Variants in COL6A2 observed in about 807,000 individuals in gnomAD.
The protein encoded by COL6A2 is collagen alpha-2(VI) chain.
A neutral mutation model predicts 124.9 loss-of-function variants in COL6A2; 90 were observed. The ratio of observed to expected loss-of-function variants is 0.72; its 90% CI spans 0.61 to 0.86. The LOEUF is 0.86. COL6A2 is among the 40% of genes least tolerant of loss of function. The pLI is 0.00. For missense variants in COL6A2, 1,607 were observed against 1,502.5 expected, an observed-to-expected ratio of 1.07 and a Z score of -1.15; for synonymous variants, 793 against 618.2, an observed-to-expected ratio of 1.28 and a Z score of -4.19.
At position 46,132,350 on chromosome 21, in the gene COL6A2, G is replaced by A. The variant is rs895235616; in HGVS notation, c.2858G>A (p.Gly953Asp). The change falls in exon 28 of 28, where the codon GGC (glycine) becomes GAC (aspartate). Residue 953 changes from glycine (G) to aspartate (D), a missense_variant. Transcript: ENST00000300527. ...GTGTTCCTCACGGACGGCGTCACGGGCAACGACAGTCTGCACGAGTCGGCG... is the reference window on the plus strand; with the variant it reads ...GTGTTCCTCACGGACGGCGTCACGGACAACGACAGTCTGCACGAGTCGGCG... ...SFVFLTDGVT[G>D]NDSLHESAHS... 6 of 1,608,434 alleles carry A rather than the reference G, an allele frequency of 3.7e-6. No homozygotes were observed. Among genetic ancestry groups the A allele is most frequent in the African/African-American group, 2.7e-5 (2 of 74,916 alleles).
chr21:46,113,729 C>T (rs2078435036), intron 4 of COL6A2: 1 of 530,578 alleles, frequency 1.9e-6, no homozygotes, highest in Admixed American at 3.1e-5. Flanking sequence ...GGCCTTTCTT[C>T]CCTTCTATTT....
rs185036029 is a variant in COL6A2, at chr21:46,121,653, G to A, written c.1521+35G>A. The A allele has an allele frequency of 4.2e-4, 680 of 1,607,654 alleles. 3 individuals are homozygous for A. The East Asian group carries it at 0.014, about 34-fold the overall frequency. On this transcript the variant is annotated intron_variant, in intron 18 of 27. Transcript: ENST00000300527. ...CCTCCCCCAGCAGGACGTATTAGGGGTTCGGGGCAGCTGCCTGAGGAGCAG... is the reference window on the plus strand; with the variant it reads ...CCTCCCCCAGCAGGACGTATTAGGGATTCGGGGCAGCTGCCTGAGGAGCAG...
At chr21:46,111,917 A>T in intron 2 of COL6A2, 62 bp from the exon 3 acceptor site, 1 of 1,541,986 alleles carries the variant, frequency 6.5e-7, no homozygotes, top group East Asian at 2.2e-5. Context: ...CGGGGCCAGG[A>T]AACGGGGCTC....
chr21:46,118,591 G>A (rs1345790923), intron 12 of COL6A2, 23 bp from the exon 13 acceptor site: 2 of 1,611,960 alleles, frequency 1.2e-6, no homozygotes, highest in East Asian at 2.2e-5. Flanking sequence ...AAGACGTGAG[G>A]CTGATTCTGC....
chr21:46,120,687 G>A, intron 16 of COL6A2, 110 bp downstream of exon 16: 1 of 1,074,420 alleles, frequency 9.3e-7, no homozygotes, highest in Non-Finnish European at 1.3e-6. Context: ...AGGGGACCCG[G>A]GTGGGTGCTG....
At chr21:46,124,245 A>C (rs1312771640) in intron 21 of COL6A2, among the ~76,000 whole-genome samples, 1 of 149,756 alleles carries the variant, frequency 6.7e-6, no homozygotes, top group Non-Finnish European at 1.5e-5. Flanking sequence ...GACTGGGTGG[A>C]TGGATGGATG....
chr21:46,122,844 G>C (rs750823611), intron 20 of COL6A2, 31 bp from the exon 21 acceptor site: 1 of 1,607,180 alleles, frequency 6.2e-7, no homozygotes, highest in African/African-American at 1.3e-5. Context: ...CAGCTCCTCT[G>C]TCCCAGGCTA....
intron 15 of COL6A2, among the ~76,000 whole-genome samples, chr21:46,120,125 C>CCCCACTGAGGCACCTCTTACCCCCAG (rs993270878): frequency 2.5e-5 from 2 of 81,370 alleles, no homozygotes; most frequent in Admixed American, 1.1e-4. Context: ...ACCCCCCGGC[C>CCCCACTGAGGCACCTCTTACCCCCAG]CCCACTGAGG....
At chr21:46,131,085 C>T (rs765743891) in intron 27 of COL6A2, among the ~76,000 whole-genome samples, 6 of 152,198 alleles carry the variant, frequency 3.9e-5, no homozygotes, top group East Asian at 3.9e-4. Context: ...GCTGTGACGA[C>T]GTCCAGGGGT....
At chr21:46,124,946 G>A (rs372398719) in intron 23 of COL6A2, 26 bp downstream of exon 23, 2 of 1,612,784 alleles carry the variant, frequency 1.2e-6, no homozygotes, top group Non-Finnish European at 1.7e-6. Flanking sequence ...GGCAGAACCA[G>A]TGTCCTTCTC....
Position 46,099,889 on chromosome 21 carries a change from C to CTTTTTTTTTTTTT in COL6A2, c.-28+1727_-28+1739dup, listed in dbSNP as rs869028897. Among the ~76,000 whole-genome samples, 26 of 91,828 alleles carry CTTTTTTTTTTTTT rather than the reference C, an allele frequency of 2.8e-4. 1 individual carries two copies. Among genetic ancestry groups the CTTTTTTTTTTTTT allele is most frequent in the East Asian group, 3.9e-4 (1 of 2,540 alleles). 60.2% of individuals were successfully genotyped at this position (91,828 alleles called of 152,430 possible). On this transcript the variant is annotated intron_variant, in intron 1 of 27. Coordinates refer to ENST00000300527, the MANE Select transcript of COL6A2 (RefSeq NM_001849.4). The stretch of plus-strand genomic sequence containing the variant: ...TCTCCACAATGGATAGCAGCACTGT[C>CTTTTTTTTTTTTT]TTTTTTTTTTTTTTTTTTTTTTTCT...
At chr21:46,127,707 T>G (rs866095216) in intron 27 of COL6A2, among the ~76,000 whole-genome samples, 2 of 137,256 alleles carry the variant, frequency 1.5e-5, no homozygotes, top group Admixed American at 7.7e-5. Context: ...ATGGTCACTG[T>G]GGGTGCTTTG....
Position 46,124,631 on chromosome 21 carries a change from C to A in COL6A2, c.1672-20C>A. 1.9e-6 allele frequency: 3 copies of A among 1,612,684 alleles called. No homozygotes were observed. Among genetic ancestry groups the A allele is most frequent in the Non-Finnish European group, 2.5e-6 (3 of 1,179,684 alleles). ...TGTCCCTGGGGCCACTGAAGCCCAC[C>A]TGTTCTTGTTCCTTCTCAGGCGGAT... On this transcript the variant is annotated intron_variant, in intron 21 of 27. Transcript: ENST00000300527.
chr21:46,116,502 G>A lies in COL6A2; in HGVS notation c.927+99G>A, dbSNP rs561948190. Reference sequence around the variant, plus strand: ...AGCCTGTCACTGCTCCTGGGGCACCGGCCTGGTCTTTTCTCAGTGGTGGCT... The same window carrying A: ...AGCCTGTCACTGCTCCTGGGGCACCAGCCTGGTCTTTTCTCAGTGGTGGCT... On this transcript the variant is annotated intron_variant, in intron 8 of 27. Transcript: ENST00000300527. This position sits in a 1 kb window ranked among gnomAD's most constrained non-coding sequence, Gnocchi z 4.6. 31 of 1,582,300 alleles carry A rather than the reference G, an allele frequency of 2.0e-5. No homozygotes were observed. The African/African-American group carries it at 2.6e-4, about 13-fold the overall frequency.
chr21:46,127,434 C>T (rs900833457), intron 27 of COL6A2, among the ~76,000 whole-genome samples: 2 of 152,140 alleles, frequency 1.3e-5, no homozygotes, highest in African/African-American at 2.4e-5. Context: ...GACTCAGAGC[C>T]GAGGTTCCCC....
rs58873991 is a variant in COL6A2 at position 46,117,558 on chromosome 21, GCAGCCCAGCAGCCC to G, written c.1053+130_1053+143del. 2.9e-3 allele frequency: 3,277 copies of G among 1,123,038 alleles called. 15 individuals are homozygous for G. Among genetic ancestry groups the G allele is most frequent in the African/African-American group, 0.011 (723 of 65,096 alleles). The allele number at this position is 1,123,038 out of a possible 1,614,324, so 69.6% of individuals were successfully genotyped here. ...TGCAGTGGGAGCGTGGGTTCTCCCG[GCAGCCCAGCAGCCC>G]CAGCCCAGCAGCCCCAGCCCAGCAT... On this transcript the variant is annotated intron_variant, in intron 11 of 27. Transcript: ENST00000300527.
chr21:46,118,281 C>T lies in COL6A2; in HGVS notation c.1117-333C>T, dbSNP rs557342984. On this transcript the variant is annotated intron_variant, in intron 12 of 27. Coordinates refer to ENST00000300527, the MANE Select transcript of COL6A2 (RefSeq NM_001849.4). Reference sequence around the variant, plus strand: ...TCCTGGGCCGCCTGCAGTGTCGCCCCGCCCCTGGCGGCCCCAGGATCCCCA... The same window carrying T: ...TCCTGGGCCGCCTGCAGTGTCGCCCTGCCCCTGGCGGCCCCAGGATCCCCA... 7.2e-5 allele frequency among the ~76,000 whole-genome samples: 11 copies of T among 152,234 alleles called. No individual in the cohort carries two copies. The South Asian group carries it at 1.0e-3, about 14-fold the overall frequency.
chr21:46,099,530 C>A (rs950589208), intron 1 of COL6A2, among the ~76,000 whole-genome samples: 2 of 151,126 alleles, frequency 1.3e-5, no homozygotes, highest in Admixed American at 6.6e-5. Flanking sequence ...CGGCCCTGCA[C>A]GTTGAGTTGC....
chr21:46,112,105 T>C lies in COL6A2; in HGVS notation c.242T>C (p.Leu81Pro). 1 of 1,613,222 alleles carries C rather than the reference T, an allele frequency of 6.2e-7. No individual in the cohort carries two copies. The highest frequency in any genetic ancestry group is 8.5e-7 in the Non-Finnish European group (1 of 1,180,038). Residue 81 changes from leucine (L) to proline (P), a missense_variant, in exon 3 of 28, where the codon CTG becomes CCG. Around this residue, in one of 3 missense-constraint regions of COL6A2, gnomAD observed 342 missense variants for 381.5 expected, o/e 0.90. Transcript: ENST00000300527. ...TTCGTGCCGCAGTTCATCAGCCAGC[T>C]GCAGAACGAGTTCTACCTGGACCAG... is the stretch of plus-strand genomic sequence containing the variant. ...KQFVPQFISQ[L>P]QNEFYLDQVA...
Sources: gnomAD v4.1 joint callset for allele counts (sites outside exome capture counted in the v4.1 genomes callset) on GRCh38, gnomAD v4.1.1 for gene constraint, gnomAD v4.1.1 regional missense constraint, Gnocchi (gnomAD v3.1) non-coding constraint, MANE v1.5 for transcripts, NCBI Gene and HGNC (gene_info 2026-07-23, HGNC 2026-07-21) for gene names.